The following IMMP2L variants were observed in gnomAD, a reference collection of about 807,000 sequenced individuals.
IMMP2L encodes inner mitochondrial membrane peptidase subunit 2.
In IMMP2L, 18 loss-of-function variants were observed where a neutral mutation model predicts 19.3. The ratio of observed to expected loss-of-function variants is 0.93; its 90% confidence interval spans 0.64 to 1.38. IMMP2L has a LOEUF of 1.38. IMMP2L is among the 40% of genes most tolerant of loss of function. IMMP2L has a pLI of 0.00. For synonymous variants in IMMP2L, 76 were observed against 73.0 expected (o/e 1.04, Z -0.21); for missense variants, 233 against 218.2 (o/e 1.07, Z -0.43).
chr7:110,864,934 C>T (rs1426935252), intron 5 of IMMP2L, among the ~76,000 whole-genome samples: 1 of 151,922 alleles, frequency 6.6e-6, no homozygotes, highest in African/African-American at 2.4e-5. Flanking sequence ...TTGACTACAT[C>T]CTTCCTTTTT....
At chr7:110,729,143 A>C (rs1054709075) in intron 5 of IMMP2L, among the ~76,000 whole-genome samples, 2 of 152,088 alleles carry the variant, frequency 1.3e-5, no homozygotes, top group African/African-American at 4.8e-5. Flanking sequence ...TCAGCCTCCC[A>C]AAGTGCTGGG....
intron 3 of IMMP2L, among the ~76,000 whole-genome samples, chr7:111,065,995 T>C (rs1467092570): frequency 6.6e-6 from 1 of 150,410 alleles, no homozygotes; most frequent in Non-Finnish European, 1.5e-5. Context: ...AATTTTTTTT[T>C]TTTTTTTTTT....
At chr7:111,490,273 G>T (rs1842985581) in intron 2 of IMMP2L, among the ~76,000 whole-genome samples, 1 of 143,848 alleles carries the variant, frequency 7.0e-6, no homozygotes, top group South Asian at 2.2e-4. Flanking sequence ...GCTAAGTCGG[G>T]TTTTTTTTTT....
intron 3 of IMMP2L, among the ~76,000 whole-genome samples, chr7:111,332,726 G>A (rs1333346998): frequency 6.6e-6 from 1 of 151,940 alleles, no homozygotes; most frequent in African/African-American, 2.4e-5. Context: ...TCTCTCAAAT[G>A]CATGTGGAGC....
At chr7:111,428,360 T>G (rs1836289682) in intron 3 of IMMP2L, among the ~76,000 whole-genome samples, 1 of 151,714 alleles carries the variant, frequency 6.6e-6, no homozygotes, top group Non-Finnish European at 1.5e-5. Context: ...TTGTAATTTT[T>G]TAAAGTAATA....
intron 3 of IMMP2L, among the ~76,000 whole-genome samples, chr7:111,347,910 G>A (rs376479095): frequency 3.3e-5 from 5 of 151,688 alleles, no homozygotes; most frequent in African/African-American, 4.8e-5. Context: ...ATCAAGACTG[G>A]ATTAAGAAAA....
rs118162240 is a variant in IMMP2L, at chr7:110,785,086, A to G, written c.408+101507T>C. On this transcript the variant is annotated intron_variant, in intron 5 of 5. Coordinates refer to ENST00000405709, the MANE Select transcript of IMMP2L (RefSeq NM_032549.4). The stretch of plus-strand genomic sequence containing the variant: ...ATTCTTTTTAGAAGAATAGATTCAG[A>G]TATGATAAGTAAATTTTGGTGTTAA... Among the ~76,000 whole-genome samples, 453 of 152,090 alleles carry G rather than the reference A, an allele frequency of 3.0e-3. 1 individual carries two copies. Among genetic ancestry groups the G allele is most frequent in the Non-Finnish European group, 5.1e-3 (345 of 67,934 alleles).
intron 5 of IMMP2L, among the ~76,000 whole-genome samples, chr7:110,700,614 G>T (rs1290423140): frequency 1.3e-5 from 2 of 152,166 alleles, no homozygotes; most frequent in African/African-American, 2.4e-5. Flanking sequence ...CATCTCCAGT[G>T]CTTTGCATCA....
At chr7:111,161,564 C>T (rs116499620) in intron 3 of IMMP2L, among the ~76,000 whole-genome samples, 2,564 of 151,766 alleles carry the variant, frequency 0.017, 66 homozygotes, top group African/African-American at 0.055. Context: ...AATCAGGAAA[C>T]GAAAAAGATA....
At chr7:111,191,474 A>ACAC (rs1562906824) in intron 3 of IMMP2L, among the ~76,000 whole-genome samples, 3 of 137,724 alleles carry the variant, frequency 2.2e-5, no homozygotes, top group South Asian at 2.3e-4. Flanking sequence ...ACACACACAC[A>ACAC]AAACTTATAT....
intron 3 of IMMP2L, among the ~76,000 whole-genome samples, chr7:111,241,571 T>C (rs978151453): frequency 6.6e-5 from 10 of 151,900 alleles, no homozygotes; most frequent in African/African-American, 2.4e-4. Context: ...ACTGATACAA[T>C]GTAACTGCCA....
At chr7:110,882,287 GCCTTCCTTCCTTCCTTCCTTCCTTCCTT>G (rs111710073) in intron 5 of IMMP2L, among the ~76,000 whole-genome samples, 1 of 122,066 alleles carries the variant, frequency 8.2e-6, no homozygotes, top group Non-Finnish European at 1.7e-5. Context: ...TTTGTCAAGT[GCCTTCCTTCCTTCCTTCCTTCCTTCCTT>G]CCTTCCTTCC....
intron 3 of IMMP2L, among the ~76,000 whole-genome samples, chr7:111,040,544 T>A (rs972339060): frequency 7.9e-5 from 12 of 151,440 alleles, no homozygotes; most frequent in Non-Finnish European, 1.2e-4. Flanking sequence ...ATCCTGAAAA[T>A]CTTTTAATCT....
intron 3 of IMMP2L, chr7:111,124,030 C>T: frequency 3.7e-6 from 6 of 1,614,054 alleles, no homozygotes; most frequent in Non-Finnish European, 5.1e-6. Flanking sequence ...GGAAATTTGT[C>T]TCCCTCTTAT....
intron 4 of IMMP2L, among the ~76,000 whole-genome samples, chr7:110,890,855 A>G (rs1433058406): frequency 4.6e-5 from 7 of 152,164 alleles, no homozygotes; most frequent in Admixed American, 4.6e-4. Context: ...CTTGAAAACA[A>G]TGTTTTTAAG....
chr7:111,464,838 G>C (rs539753284), intron 3 of IMMP2L, among the ~76,000 whole-genome samples: 12 of 152,008 alleles, frequency 7.9e-5, no homozygotes, highest in African/African-American at 2.9e-4. Context: ...ACCCAGGCTG[G>C]AGTGCAGTGG....
At chr7:111,188,579 T>C (rs1477359025) in intron 3 of IMMP2L, among the ~76,000 whole-genome samples, 3 of 151,986 alleles carry the variant, frequency 2.0e-5, no homozygotes, top group Non-Finnish European at 4.4e-5. Flanking sequence ...ATTTGGGGAG[T>C]AGACATTCAG....
chr7:110,977,364 A>G (rs1411076013), intron 3 of IMMP2L, among the ~76,000 whole-genome samples: 1 of 151,966 alleles, frequency 6.6e-6, no homozygotes, highest in Non-Finnish European at 1.5e-5. Context: ...CTGATCCCCA[A>G]ATATTACTGT....
At chr7:111,514,146 T>C (rs932364374) in intron 2 of IMMP2L, among the ~76,000 whole-genome samples, 24 of 152,246 alleles carry the variant, frequency 1.6e-4, no homozygotes, top group African/African-American at 5.8e-4. Context: ...AATACTGTAT[T>C]ATACACTCGA....
Sources: gnomAD v4.1 joint callset for allele counts (sites outside exome capture counted in the v4.1 genomes callset) on GRCh38, gnomAD v4.1.1 for gene constraint, MANE v1.5 for transcripts, NCBI Gene and HGNC (gene_info 2026-07-23, HGNC 2026-07-21) for gene names.